The following MAP2K4 variants were observed in gnomAD, a reference collection of about 807,000 sequenced individuals.
The protein encoded by MAP2K4 is mitogen-activated protein kinase kinase 4.
A neutral mutation model predicts 48.5 loss-of-function variants in MAP2K4; 4 were observed. The ratio of observed to expected loss-of-function variants is 0.08; its 90% CI spans 0.04 to 0.19. The LOEUF (loss-of-function observed/expected upper bound fraction) is 0.19. Ranked by LOEUF, MAP2K4 falls within the 10% of genes least tolerant of loss-of-function variation. The probability of loss-of-function intolerance (pLI) is 1.00; values close to 1 mark genes in which losing one functional copy is unlikely to be tolerated. For synonymous variants in MAP2K4, 166 were observed against 173.1 expected (o/e 0.96, Z 0.32); for missense variants, 258 against 493.3 (o/e 0.52, Z 4.52).
intron 3 of MAP2K4, 156 bp from the exon 4 acceptor site, chr17:12,095,419 A>G: frequency 1.3e-6 from 1 of 771,346 alleles, no homozygotes. Flanking sequence ...ATTCTTGTGA[A>G]GTATAAGGAA....
intron 4 of MAP2K4, among the ~76,000 whole-genome samples, chr17:12,102,278 GGTTT>G (rs1305126480): frequency 6.6e-6 from 1 of 151,882 alleles, no homozygotes; most frequent in East Asian, 1.9e-4. Context: ...TGAGATGTAT[GGTTT>G]GTTTGTTGTT....
chr17:12,110,776 A>G lies in MAP2K4; in HGVS notation c.685+350A>G, dbSNP rs28923222. The G allele has an allele frequency of 2.9e-3, 588 of 203,418 alleles. 6 individuals are homozygous for G. The highest frequency in any genetic ancestry group is 0.013 in the African/African-American group (556 of 42,408). The allele number at this position is 203,418 out of a possible 1,614,324, so 12.6% of individuals were successfully genotyped here. A position where few individuals can be genotyped will look rare whatever the true frequency, so the allele number is the denominator to read the frequency against. ...ACATTCAAAGAAGAATCTGAGGGATAGTACCCTCAAGCATTTTAAAGGCAT... is the reference window on the plus strand; with the variant it reads ...ACATTCAAAGAAGAATCTGAGGGATGGTACCCTCAAGCATTTTAAAGGCAT... On this transcript the variant is annotated intron_variant, in intron 6 of 10. Transcript: ENST00000353533.
intron 2 of MAP2K4, among the ~76,000 whole-genome samples, chr17:12,060,284 C>G (rs1213984695): frequency 6.6e-6 from 1 of 152,078 alleles, no homozygotes. Context: ...TCACTTAATT[C>G]TGCTCTCAAT....
At chr17:12,083,267 A>C (rs143840152) in intron 3 of MAP2K4, among the ~76,000 whole-genome samples, 7 of 152,326 alleles carry the variant, frequency 4.6e-5, no homozygotes, top group African/African-American at 1.2e-4. Context: ...TTAATTTGAT[A>C]ATATTTTGGG....
At chr17:12,104,564 TA>T (rs910143872) in intron 4 of MAP2K4, among the ~76,000 whole-genome samples, 10 of 151,692 alleles carry the variant, frequency 6.6e-5, no homozygotes, top group African/African-American at 1.5e-4. Flanking sequence ...AGGCTTTTTT[TA>T]AAAAAAAATT....
At chr17:12,104,631 CTT>C (rs775132716) in intron 4 of MAP2K4, among the ~76,000 whole-genome samples, 2 of 151,838 alleles carry the variant, frequency 1.3e-5, no homozygotes, top group Non-Finnish European at 1.5e-5. Flanking sequence ...TAGCATAACT[CTT>C]TATTATTCAG....
In MAP2K4 at chr17:12,141,248, G is replaced by A; in HGVS notation, c.1188G>A (p.Met396Ile). 6.2e-7 allele frequency: 1 copy of A among 1,612,198 alleles called. No individual in the cohort carries two copies. ...TGCCAGCTACTCCCAGCTCTCCCAT[G>A]TATGTCGATTGATATCGCTGCTACA... ...DQMPATPSSP[M>I]YVD is the part of the protein sequence containing the mutation. Residue 396 changes from methionine to isoleucine, a missense_variant, in exon 11 of 11, where the codon ATG becomes ATA. This residue lies in a region of MAP2K4 where 57 missense variants were observed against 84.3 expected (regional missense o/e 0.68). Coordinates refer to ENST00000353533, the MANE Select transcript of MAP2K4 (RefSeq NM_003010.4).
At chr17:12,063,462 T>A (rs1288289049) in intron 2 of MAP2K4, among the ~76,000 whole-genome samples, 1 of 152,222 alleles carries the variant, frequency 6.6e-6, no homozygotes, top group Non-Finnish European at 1.5e-5. Context: ...TTTTAATTTC[T>A]ACTTCATACC....
intron 2 of MAP2K4, among the ~76,000 whole-genome samples, chr17:12,078,750 C>T (rs1038882476): frequency 2.0e-5 from 3 of 152,018 alleles, no homozygotes; most frequent in Non-Finnish European, 4.4e-5. Context: ...AGGCCTCTTA[C>T]GTAGTTTAGG....
chr17:12,055,845 C>T (rs1970270128), intron 2 of MAP2K4, among the ~76,000 whole-genome samples: 2 of 151,980 alleles, frequency 1.3e-5, no homozygotes, highest in South Asian at 4.1e-4. Context: ...AGTAGTTTCA[C>T]TTGTAGCCTT....
intron 8 of MAP2K4, among the ~76,000 whole-genome samples, chr17:12,126,633 A>G (rs911314441): frequency 6.6e-6 from 1 of 152,192 alleles, no homozygotes; most frequent in African/African-American, 2.4e-5. Context: ...TGACCCCATC[A>G]CTTCCCAAAG....
At chr17:12,118,796 G>T (rs1972582738) in intron 7 of MAP2K4, among the ~76,000 whole-genome samples, 1 of 152,168 alleles carries the variant, frequency 6.6e-6, no homozygotes, top group African/African-American at 2.4e-5. Context: ...ACATGCTGTT[G>T]CCAGCACTTG....
intron 2 of MAP2K4, among the ~76,000 whole-genome samples, chr17:12,079,632 T>A (rs1567648778): frequency 6.6e-6 from 1 of 152,334 alleles, no homozygotes; most frequent in East Asian, 1.9e-4. Flanking sequence ...CAAGTAATTT[T>A]AATTAACTTT....
intron 1 of MAP2K4, among the ~76,000 whole-genome samples, chr17:12,030,544 G>A (rs1299129925): frequency 6.6e-6 from 1 of 152,116 alleles, no homozygotes; most frequent in African/African-American, 2.4e-5. Flanking sequence ...TTAAACTGGC[G>A]CTTAGCTTTT....
chr17:12,056,721 C>A (rs889598624), intron 2 of MAP2K4, among the ~76,000 whole-genome samples: 12 of 152,024 alleles, frequency 7.9e-5, no homozygotes, highest in African/African-American at 2.9e-4. Flanking sequence ...TTACTTAGAA[C>A]AACATTATCT....
intron 7 of MAP2K4, among the ~76,000 whole-genome samples, chr17:12,114,003 T>C (rs1972396592): frequency 1.3e-5 from 2 of 152,214 alleles, no homozygotes; most frequent in African/African-American, 4.8e-5. Flanking sequence ...TAGGTGTTAA[T>C]GTCTTTCTTC....
At chr17:12,096,969 T>C (rs1212074492) in intron 4 of MAP2K4, among the ~76,000 whole-genome samples, 1 of 152,224 alleles carries the variant, frequency 6.6e-6, no homozygotes, top group Admixed American at 6.5e-5. Context: ...TATGACCAGA[T>C]ATACTGAATT....
At chr17:12,090,731 A>G (rs1459025478) in intron 3 of MAP2K4, among the ~76,000 whole-genome samples, 2 of 152,180 alleles carry the variant, frequency 1.3e-5, no homozygotes, top group African/African-American at 4.8e-5. Context: ...CACCATTATG[A>G]TGGGATTGAG....
intron 2 of MAP2K4, among the ~76,000 whole-genome samples, chr17:12,075,707 T>C (rs1230024846): frequency 2.6e-5 from 4 of 152,226 alleles, no homozygotes; most frequent in Non-Finnish European, 5.9e-5. Flanking sequence ...AAAAAGGTGC[T>C]GTTGACTAGG....
Sources: allele counts gnomAD v4.1 joint callset (sites outside exome capture counted in the v4.1 genomes callset), GRCh38; gene constraint gnomAD v4.1.1; regional missense constraint gnomAD v4.1.1; transcripts MANE v1.5; gene names NCBI Gene and HGNC (gene_info 2026-07-23, HGNC 2026-07-21).